PPM1D: variants seen among roughly 807,000 people sequenced by gnomAD.
The protein encoded by PPM1D is protein phosphatase 1D.
In PPM1D, 52 loss-of-function variants were observed where a neutral mutation model predicts 58.3. The observed-to-expected ratio is 0.89, with a 90% CI of 0.71 to 1.12. The LOEUF is 1.12. Ranked by LOEUF, PPM1D falls within the 50% of genes most tolerant of loss-of-function variation. The pLI, the probability that PPM1D is intolerant of heterozygous loss-of-function variation, is 0.00. For synonymous variants in PPM1D, 278 were observed against 285.1 expected (o/e 0.98, Z 0.25); for missense variants, 564 against 777.2 (o/e 0.73, Z 3.26).
Position 60,617,117 on chromosome 17 carries a change from TA to T in PPM1D, c.473-6393del, listed in dbSNP as rs202213979. On this transcript the variant is annotated intron_variant, in intron 1 of 5. Coordinates refer to ENST00000305921, the MANE Select transcript of PPM1D (RefSeq NM_003620.4). ...ATGCATGCCACTAAACCTGGTTAAT[TA>T]AAAAAAAAAATTTTTTTTTTTTTTT... Among the ~76,000 whole-genome samples, 25 of 148,974 alleles carry T rather than the reference TA, an allele frequency of 1.7e-4. 1 individual carries two copies. The highest frequency in any genetic ancestry group is 1.1e-3 in the South Asian group (5 of 4,714).
chr17:60,630,232 A>T (rs1213294954), intron 2 of PPM1D, among the ~76,000 whole-genome samples: 1 of 151,914 alleles, frequency 6.6e-6, no homozygotes, highest in African/African-American at 2.4e-5. Context: ...GGAAATAATT[A>T]TTTTCTACAG....
intron 1 of PPM1D, among the ~76,000 whole-genome samples, chr17:60,602,779 GA>G (rs34932283): frequency 0.64 from 61,552 of 95,702 alleles, 19,910 homozygotes; most frequent in Non-Finnish European, 0.75. Flanking sequence ...CTCAAAGCTT[GA>G]AAAAAAAAAA....
At chr17:60,611,852 A>T (rs1262413462) in intron 1 of PPM1D, among the ~76,000 whole-genome samples, 2 of 152,180 alleles carry the variant, frequency 1.3e-5, no homozygotes, top group African/African-American at 4.8e-5. Context: ...TAATTTTATT[A>T]ATCATTTTCT....
At chr17:60,613,541 T>C (rs1244924800) in intron 1 of PPM1D, among the ~76,000 whole-genome samples, 1 of 152,220 alleles carries the variant, frequency 6.6e-6, no homozygotes, top group East Asian at 1.9e-4. Flanking sequence ...AGCCCGCCAC[T>C]GCACTGTGGG....
chr17:60,600,576 G>T lies in PPM1D; in HGVS notation c.162G>T (p.Ser54=). ...CTCAGCCGTTGCCTCCGCGGCCGTC[G>T]CCGGCCGCCCTTCCCGGCGGCGAAG... ...SLSQPLPPRP[S]PAALPGGEVS... Residue 54 remains serine (S), a synonymous_variant, in exon 1 of 6, where the codon TCG becomes TCT. Coordinates refer to ENST00000305921, the MANE Select transcript of PPM1D (RefSeq NM_003620.4). 6.4e-7 allele frequency: 1 copy of T among 1,552,436 alleles called. No homozygotes were observed.
At chr17:60,609,639 G>A (rs762724469) in intron 1 of PPM1D, among the ~76,000 whole-genome samples, 2 of 152,144 alleles carry the variant, frequency 1.3e-5, no homozygotes, top group Non-Finnish European at 1.5e-5. Context: ...GCATATCTAC[G>A]CTGTATATGC....
chr17:60,626,480 G>A (rs757116701), intron 2 of PPM1D, among the ~76,000 whole-genome samples: 7 of 150,350 alleles, frequency 4.7e-5, no homozygotes, highest in African/African-American at 9.8e-5. Flanking sequence ...CTGCAAGCTC[G>A]GCCTCCTGGG....
chr17:60,634,102 C>G (rs1416553057), intron 3 of PPM1D, 125 bp downstream of exon 3: 7 of 1,124,624 alleles, frequency 6.2e-6, no homozygotes, highest in African/African-American at 1.6e-5. Context: ...TCATGATATT[C>G]TATTAACTGC....
At chr17:60,631,208 T>C (rs970238613) in intron 2 of PPM1D, among the ~76,000 whole-genome samples, 2 of 152,108 alleles carry the variant, frequency 1.3e-5, no homozygotes, top group East Asian at 3.9e-4. Flanking sequence ...TGGTCCCAGC[T>C]ATTTGGGAAG....
chr17:60,607,108 G>A (rs1567963893), intron 1 of PPM1D, among the ~76,000 whole-genome samples: 1 of 151,686 alleles, frequency 6.6e-6, no homozygotes, highest in Non-Finnish European at 1.5e-5. Flanking sequence ...GTTATTACAG[G>A]CATAAGCCAC....
At position 60,600,454 on chromosome 17, in the gene PPM1D, G is replaced by A; in HGVS notation, c.40G>A (p.Asp14Asn). Residue 14 changes from aspartate to asparagine, a missense_variant, in exon 1 of 6, where the codon GAC (aspartate) becomes AAC (asparagine). Physicochemically the swap from Asp to Asn is conservative, Grantham distance 23 (BLOSUM62 1). This residue lies in a region of PPM1D where 132 missense variants were observed against 150.4 expected (regional missense o/e 0.88). Transcript: ENST00000305921. ...LYSLGVSVFS[D>N]QGGRKYMEDV... The stretch of plus-strand genomic sequence containing the variant: ...CTCGCTGGGAGTGAGCGTCTTCTCC[G>A]ACCAGGGCGGGAGGAAGTACATGGA... 6.4e-7 allele frequency: 1 copy of A among 1,566,748 alleles called. No homozygotes were observed.
At position 60,666,050 on chromosome 17, in the gene PPM1D, A is replaced by G. The variant is rs1239477456; in HGVS notation, c.*2498A>G. ...AAGGCATGAATTCTAGGAGGTGGGCATTTTTAAGTGTCATCTGGAAGGAGG... is the reference window on the plus strand; with the variant it reads ...AAGGCATGAATTCTAGGAGGTGGGCGTTTTTAAGTGTCATCTGGAAGGAGG... On this transcript the variant is annotated 3_prime_UTR_variant, in exon 6 of 6. Coordinates refer to ENST00000305921, the MANE Select transcript of PPM1D (RefSeq NM_003620.4). The G allele has an allele frequency of 6.6e-6, 1 of 152,192 alleles. No homozygotes were observed. Among genetic ancestry groups the G allele is most frequent in the Non-Finnish European group, 1.5e-5 (1 of 68,030 alleles). The allele number at this position is 152,192 out of a possible 1,614,324, so 9.4% of individuals were successfully genotyped here. A position where few individuals can be genotyped will look rare whatever the true frequency, so the allele number is the denominator to read the frequency against.
chr17:60,652,391 A>G (rs78961593), intron 4 of PPM1D, among the ~76,000 whole-genome samples: 20,596 of 152,080 alleles, frequency 0.14, 4,191 homozygotes, highest in African/African-American at 0.44. Flanking sequence ...CCATTCATGT[A>G]TTAAATGGAA....
chr17:60,660,563 C>A (rs2031509020), intron 5 of PPM1D, among the ~76,000 whole-genome samples: 1 of 151,972 alleles, frequency 6.6e-6, no homozygotes, highest in African/African-American at 2.4e-5. Context: ...GAATTTGAGA[C>A]CAGCCTGGCC....
chr17:60,600,641 G>A lies in PPM1D; in HGVS notation c.227G>A (p.Arg76His). The A allele has an allele frequency of 6.4e-7, 1 of 1,553,452 alleles. No individual in the cohort carries two copies. Among genetic ancestry groups the A allele is most frequent in the Non-Finnish European group, 8.7e-7 (1 of 1,152,952 alleles). Residue 76 changes from arginine (R) to histidine (H), a missense_variant, in exon 1 of 6, where the codon CGC becomes CAC. By Grantham distance (29) the Arg-to-His change is conservative. Around this residue, in one of 7 missense-constraint regions of PPM1D, gnomAD observed 132 missense variants for 150.4 expected, o/e 0.88. Transcript: ENST00000305921. The stretch of plus-strand genomic sequence containing the variant: ...CCAGCGGTGGCAGCCCGAGAGGCTC[G>A]CGACCCTCTCCCGGACGCCGGGGCC... The part of the protein sequence containing the change: ...KGPAVAAREA[R>H]DPLPDAGASP...
intron 1 of PPM1D, among the ~76,000 whole-genome samples, chr17:60,602,156 A>G (rs1020618382): frequency 1.3e-5 from 2 of 152,180 alleles, no homozygotes; most frequent in Non-Finnish European, 2.9e-5. Flanking sequence ...TTTCCCATCC[A>G]TCCCAGGGGC....
At chr17:60,662,023 G>T (rs992260708) in intron 5 of PPM1D, among the ~76,000 whole-genome samples, 1 of 152,030 alleles carries the variant, frequency 6.6e-6, no homozygotes, top group Non-Finnish European at 1.5e-5. Flanking sequence ...GTGAGACGGA[G>T]TCTCACTCCG....
At chr17:60,648,668 CTGCG>C (rs2031291346) in intron 4 of PPM1D, among the ~76,000 whole-genome samples, 1 of 152,146 alleles carries the variant, frequency 6.6e-6, no homozygotes, top group African/African-American at 2.4e-5. Flanking sequence ...GCGTGAGCCA[CTGCG>C]CCCGGCCAAA....
chr17:60,643,608 C>T (rs1228517193), intron 3 of PPM1D, among the ~76,000 whole-genome samples: 1 of 152,070 alleles, frequency 6.6e-6, no homozygotes, highest in Non-Finnish European at 1.5e-5. Context: ...ACCCTACAGA[C>T]TACTCACCAG....
Sources: gnomAD v4.1 joint callset for allele counts (sites outside exome capture counted in the v4.1 genomes callset) on GRCh38, gnomAD v4.1.1 for gene constraint, gnomAD v4.1.1 regional missense constraint, MANE v1.5 for transcripts, NCBI Gene and HGNC (gene_info 2026-07-23, HGNC 2026-07-21) for gene names.